The following TJP2 variants were observed in gnomAD, a reference collection of about 807,000 sequenced individuals.
TJP2 encodes tight junction protein 2.
A neutral mutation model predicts 133.1 loss-of-function variants in TJP2; 91 were observed. The observed-to-expected ratio is 0.68, with a 90% confidence interval of 0.58 to 0.81. The LOEUF is 0.81. Ranked by LOEUF, TJP2 falls within the 40% of genes least tolerant of loss-of-function variation. TJP2 has a pLI of 0.00. For synonymous variants in TJP2, 592 were observed against 583.4 expected, an observed-to-expected ratio of 1.01 and a Z score of -0.21; for missense variants, 1,541 against 1,565.6, an observed-to-expected ratio of 0.98 and a Z score of 0.26.
rs1830031120 is a variant in TJP2, at chr9:69,234,477, T to C, written c.1710T>C (p.Asp570=). The stretch of plus-strand genomic sequence containing the variant: ...ATTTCAGAGGATTAGTGCGGGAGGA[T>C]GCCGTTCTCTACCTGTTAGAAATCC... ...TQDFRGLVRE[D]AVLYLLEIPK... Residue 570 remains aspartate, a synonymous_variant, in exon 12 of 23, where the codon GAT becomes GAC. Coordinates refer to ENST00000377245, the MANE Select transcript of TJP2 (RefSeq NM_004817.4). 2 of 1,610,074 alleles carry C rather than the reference T, an allele frequency of 1.2e-6. No homozygotes were observed. Among genetic ancestry groups the C allele is most frequent in the Admixed American group, 1.7e-5 (1 of 59,328 alleles).
chr9:69,205,654 A>G (rs1260197894), intron 1 of TJP2, among the ~76,000 whole-genome samples: 1 of 152,258 alleles, frequency 6.6e-6, no homozygotes, highest in African/African-American at 2.4e-5. Flanking sequence ...AACTTAGAAG[A>G]AAAAGTGTTT....
intron 1 of TJP2, among the ~76,000 whole-genome samples, chr9:69,203,448 C>T (rs1431778685): frequency 6.6e-6 from 1 of 151,632 alleles, no homozygotes; most frequent in East Asian, 1.9e-4. Context: ...GTTACAGGCA[C>T]CCGCCAACAT....
chr9:69,156,176 C>T (rs903884822), intron 2 of TJP2, among the ~76,000 whole-genome samples: 4 of 152,000 alleles, frequency 2.6e-5, no homozygotes. Context: ...ACCAGCCTGG[C>T]CAACATGGTG....
At chr9:69,241,394 G>A (rs1830567689) in intron 17 of TJP2, among the ~76,000 whole-genome samples, 1 of 152,176 alleles carries the variant, frequency 6.6e-6, no homozygotes, top group South Asian at 2.1e-4. Flanking sequence ...AGCTCATTGA[G>A]TTCATTGCCC....
chr9:69,234,819 T>TAAC (rs1830063395), intron 12 of TJP2, among the ~76,000 whole-genome samples: 1 of 152,118 alleles, frequency 6.6e-6, no homozygotes, highest in African/African-American at 2.4e-5. Context: ...CAGCCTTATG[T>TAAC]TCTGCCTGGA....
At chr9:69,131,804 G>A (rs1407644469) in intron 1 of TJP2, among the ~76,000 whole-genome samples, 1 of 152,150 alleles carries the variant, frequency 6.6e-6, no homozygotes, top group East Asian at 1.9e-4. Context: ...CTGGTTAATG[G>A]ACAGGACTGG....
At position 69,226,017 on chromosome 9, in the gene TJP2, C is replaced by G. The variant is rs749343134; in HGVS notation, c.1057-5C>G. The G allele has an allele frequency of 6.2e-7, 1 of 1,613,854 alleles. No individual in the cohort carries two copies. The highest frequency in any genetic ancestry group is 2.2e-5 in the East Asian group (1 of 44,876). On this transcript the variant is annotated splice_region_variant and splice_polypyrimidine_tract_variant and intron_variant, in intron 6 of 22. Transcript: ENST00000377245. ...ATTTAACATTACCATTTTTTATAAA[C>G]ACAGATCAATGGGACTGTAACTGAG...
At chr9:69,179,791 G>A (rs924726947) in intron 1 of TJP2, among the ~76,000 whole-genome samples, 2 of 152,136 alleles carry the variant, frequency 1.3e-5, no homozygotes. Context: ...GAGCCACCGC[G>A]CCCGGCTGAA....
At position 69,229,242 on chromosome 9, in the gene TJP2, A is replaced by G; in HGVS notation, c.1512A>G (p.Ala504=). ...TFLRPSPEDE[A]IYGPNTKMVR... Reference sequence around the variant, plus strand: ...TTCGTCCTAGTCCTGAAGATGAAGCAATATATGGGTATGTATTTCCGTCTC... The same window carrying G: ...TTCGTCCTAGTCCTGAAGATGAAGCGATATATGGGTATGTATTTCCGTCTC... Residue 504 remains alanine, a synonymous_variant, in exon 10 of 23, where the codon GCA becomes GCG. Transcript: ENST00000377245. 6.2e-7 allele frequency: 1 copy of G among 1,614,014 alleles called. No individual in the cohort carries two copies. Among genetic ancestry groups the G allele is most frequent in the Non-Finnish European group, 8.5e-7 (1 of 1,179,928 alleles).
intron 9 of TJP2, 68 bp from the exon 10 acceptor site, chr9:69,229,116 A>AT (rs1284786238): frequency 8.2e-6 from 12 of 1,463,346 alleles, no homozygotes; most frequent in Admixed American, 1.7e-5. Flanking sequence ...GGATTTTGTG[A>AT]TTTTTCTATT....
intron 17 of TJP2, among the ~76,000 whole-genome samples, chr9:69,243,061 C>A (rs11790635): frequency 0.12 from 18,594 of 151,978 alleles, 1,223 homozygotes; most frequent in Middle Eastern, 0.17. Flanking sequence ...ACAGGGTTTA[C>A]CCATGTTGCC....
At chr9:69,132,285 C>G (rs778730183) in intron 1 of TJP2, among the ~76,000 whole-genome samples, 1 of 152,232 alleles carries the variant, frequency 6.6e-6, no homozygotes, top group African/African-American at 2.4e-5. Context: ...TCTTACCAGT[C>G]CTGGCAGTGG....
intron 1 of TJP2, among the ~76,000 whole-genome samples, chr9:69,144,750 A>G (rs186915771): frequency 1.3e-5 from 2 of 152,322 alleles, no homozygotes; most frequent in Admixed American, 6.5e-5. Context: ...AGCCCTCTCC[A>G]TGTGGCGGGG....
upstream of TJP2, among the ~76,000 whole-genome samples, chr9:69,169,395 G>A (rs1824555855): frequency 8.0e-6 from 1 of 125,672 alleles, no homozygotes; most frequent in Non-Finnish European, 1.6e-5. Flanking sequence ...TTTCACTCTT[G>A]TCGCCCAGGC....
At chr9:69,244,794 C>A (rs1052396592) in intron 17 of TJP2, among the ~76,000 whole-genome samples, 1 of 152,198 alleles carries the variant, frequency 6.6e-6, no homozygotes, top group Non-Finnish European at 1.5e-5. Flanking sequence ...TACTGTGAAG[C>A]TCTCAATTTT....
intron 6 of TJP2, among the ~76,000 whole-genome samples, 196 bp from the exon 7 acceptor site, chr9:69,225,826 T>G (rs1829304135): frequency 6.6e-6 from 1 of 152,220 alleles, no homozygotes; most frequent in African/African-American, 2.4e-5. Flanking sequence ...CAGAGTAACT[T>G]ACACCTGTAT....
At chr9:69,173,957 G>C (rs1200718550), upstream of TJP2, 1 of 985,176 alleles carries the variant, frequency 1.0e-6, no homozygotes, top group African/African-American at 1.7e-5. Context: ...GGGCTGGCGG[G>C]GGTGGAGGGG....
chr9:69,243,549 T>G (rs11137681), intron 17 of TJP2, among the ~76,000 whole-genome samples: 16,822 of 152,252 alleles, frequency 0.11, 1,417 homozygotes, highest in East Asian at 0.33. Flanking sequence ...TCACAAATTT[T>G]TATTTTTAAA....
rs1822675694 is a variant in TJP2, at chr9:69,135,158, C to CA, written c.-131+13436dup. Among the ~76,000 whole-genome samples, 4 of 152,266 alleles carry CA rather than the reference C, an allele frequency of 2.6e-5. No individual in the cohort carries two copies. The South Asian group carries it at 8.3e-4, about 32-fold the overall frequency. On this transcript the variant is annotated intron_variant, in intron 1 of 5. Transcript: ENST00000423935. ...TCAACATATGAATTTTGGGGAGATA[C>CA]AAACACTCAGTCCTTAGCAACCCAG...
Sources: gnomAD v4.1 joint callset for allele counts (sites outside exome capture counted in the v4.1 genomes callset) on GRCh38, gnomAD v4.1.1 for gene constraint, MANE v1.5 for transcripts, NCBI Gene and HGNC (gene_info 2026-07-23, HGNC 2026-07-21) for gene names.